NXN: variants seen among roughly 807,000 people sequenced by gnomAD.
NXN encodes nucleoredoxin.
A neutral mutation model predicts 48.6 loss-of-function variants in NXN; 16 were observed. The ratio of observed to expected loss-of-function variants is 0.33; its 90% CI spans 0.22 to 0.50. NXN has a LOEUF of 0.50. Ranked by LOEUF, NXN falls within the 20% of genes least tolerant of loss-of-function variation. The pLI is 0.98. For missense variants in NXN, 492 were observed against 605.5 expected (o/e 0.81, Z 1.97); for synonymous variants, 281 against 269.6 (o/e 1.04, Z -0.41).
chr17:976,589 T>G (rs2069461311), intron 1 of NXN, among the ~76,000 whole-genome samples: 1 of 152,192 alleles, frequency 6.6e-6, no homozygotes, highest in African/African-American at 2.4e-5. Context: ...CCACAAGACG[T>G]GTTCACCCAT....
chr17:811,232 C>G (rs937806800), intron 5 of NXN, among the ~76,000 whole-genome samples: 1 of 152,220 alleles, frequency 6.6e-6, no homozygotes, highest in African/African-American at 2.4e-5. Context: ...TAGCTGCTTC[C>G]GCATCTGCTC....
At chr17:880,970 C>T (rs2068277595) in intron 1 of NXN, among the ~76,000 whole-genome samples, 1 of 152,176 alleles carries the variant, frequency 6.6e-6, no homozygotes. Flanking sequence ...CTGCAAACGT[C>T]TCCTTCCCTC....
At chr17:829,116 G>C (rs969220429) in intron 1 of NXN, among the ~76,000 whole-genome samples, 1 of 147,588 alleles carries the variant, frequency 6.8e-6, no homozygotes, top group South Asian at 2.2e-4. Flanking sequence ...GGGAAAAAAT[G>C]ACAAGTCATT....
intron 1 of NXN, among the ~76,000 whole-genome samples, chr17:975,751 A>C (rs1597293279): frequency 6.6e-6 from 1 of 152,198 alleles, no homozygotes; most frequent in African/African-American, 2.4e-5. Context: ...CTTTAACACC[A>C]AAAGAGTGCT....
intron 1 of NXN, among the ~76,000 whole-genome samples, chr17:926,553 GT>G (rs568417902): frequency 6.1e-5 from 8 of 130,796 alleles, no homozygotes; most frequent in South Asian, 2.4e-4. Context: ...TTGTTTTTTT[GT>G]TTTTTTTTTG....
intron 1 of NXN, among the ~76,000 whole-genome samples, chr17:831,603 A>C (rs1259363527): frequency 6.6e-6 from 1 of 151,886 alleles, no homozygotes; most frequent in African/African-American, 2.4e-5. Context: ...AGGTTCAAGC[A>C]ATTCTCATGC....
intron 5 of NXN, among the ~76,000 whole-genome samples, chr17:815,036 G>T (rs969593599): frequency 6.6e-6 from 1 of 152,110 alleles, no homozygotes; most frequent in South Asian, 2.1e-4. Context: ...AAAGTCCAGG[G>T]ATTACAGGCG....
intron 5 of NXN, among the ~76,000 whole-genome samples, chr17:807,176 C>T (rs921673608): frequency 3.9e-5 from 6 of 152,234 alleles, no homozygotes. Context: ...GAATCCGGGC[C>T]AGGGACCACC....
chr17:938,507 C>T (rs2068934300), intron 1 of NXN, among the ~76,000 whole-genome samples: 1 of 151,638 alleles, frequency 6.6e-6, no homozygotes, highest in African/African-American at 2.4e-5. Context: ...TGGCGAAACC[C>T]CCGTCTCTAC....
In NXN at chr17:979,440, G is replaced by A. The variant is rs772684733; in HGVS notation, c.239C>T (p.Pro80Leu). ...PGAGAGAAAE[P>L]EPRRRLEIVF... ...GATCTCCAGGCGCCGCCGCGGCTCG[G>A]GCTCCGCCGCCGCCCCGGCCCCCGC... The change falls in exon 1 of 8, where the codon CCC becomes CTC. Residue 80 changes from proline (P) to leucine (L), a missense_variant. Coordinates refer to ENST00000336868, the MANE Select transcript of NXN (RefSeq NM_022463.5). 2 of 1,284,094 alleles carry A rather than the reference G, an allele frequency of 1.6e-6. No individual in the cohort carries two copies. Among genetic ancestry groups the A allele is most frequent in the African/African-American group, 3.1e-5 (2 of 64,956 alleles). The allele number at this position is 1,284,094 out of a possible 1,614,324, so 79.5% of individuals were successfully genotyped here. A position where few individuals can be genotyped will look rare whatever the true frequency, so the allele number is the denominator to read the frequency against.
At chr17:821,922 A>G (rs1294338652) in intron 4 of NXN, among the ~76,000 whole-genome samples, 4 of 151,958 alleles carry the variant, frequency 2.6e-5, no homozygotes, top group Non-Finnish European at 2.9e-5. Context: ...CCAGGCCTGA[A>G]TTGGGACATC....
chr17:815,765 C>T (rs1567814804), intron 5 of NXN, among the ~76,000 whole-genome samples: 1 of 152,230 alleles, frequency 6.6e-6, no homozygotes, highest in African/African-American at 2.4e-5. Flanking sequence ...AAACGTTCTT[C>T]TTGGCCTGAA....
At chr17:965,307 G>A (rs2069288848) in intron 1 of NXN, among the ~76,000 whole-genome samples, 1 of 152,160 alleles carries the variant, frequency 6.6e-6, no homozygotes, top group African/African-American at 2.4e-5. Flanking sequence ...TTCTCCAGAT[G>A]GCAGAGAGCT....
At chr17:961,964 G>A (rs7219328) in intron 1 of NXN, among the ~76,000 whole-genome samples, 15,155 of 152,066 alleles carry the variant, frequency 0.1, 2,348 homozygotes, top group African/African-American at 0.33. Flanking sequence ...GTGAAACCTC[G>A]TTTCTACCAA....
chr17:961,409 A>ATAGC (rs2069236051), intron 1 of NXN, among the ~76,000 whole-genome samples: 1 of 152,090 alleles, frequency 6.6e-6, no homozygotes, highest in African/African-American at 2.4e-5. Flanking sequence ...AGAAAAAGAA[A>ATAGC]TAGCTGTTCA....
intron 1 of NXN, among the ~76,000 whole-genome samples, chr17:937,504 G>A (rs2068920251): frequency 6.6e-6 from 1 of 152,152 alleles, no homozygotes; most frequent in Admixed American, 6.5e-5. Context: ...GGGACAAAAG[G>A]AGGGAAAAGC....
At chr17:885,672 C>CTTTTTTTTTTTT (rs532225883) in intron 1 of NXN, among the ~76,000 whole-genome samples, 20 of 83,752 alleles carry the variant, frequency 2.4e-4, no homozygotes, top group Non-Finnish European at 3.8e-4. Context: ...GCGGTACTCG[C>CTTTTTTTTTTTT]TTTTTTTTTT....
intron 1 of NXN, among the ~76,000 whole-genome samples, chr17:863,000 A>C (rs2068056286): frequency 6.6e-6 from 1 of 152,150 alleles, no homozygotes; most frequent in South Asian, 2.1e-4. Flanking sequence ...TATCATGATA[A>C]ATATAATCTA....
At chr17:886,592 T>A (rs993374895) in intron 1 of NXN, among the ~76,000 whole-genome samples, 1 of 152,006 alleles carries the variant, frequency 6.6e-6, no homozygotes, top group South Asian at 2.1e-4. Flanking sequence ...GCCTGGCCAA[T>A]GTGGTGAAAC....
Sources: allele counts gnomAD v4.1 joint callset (sites outside exome capture counted in the v4.1 genomes callset), GRCh38; gene constraint gnomAD v4.1.1; transcripts MANE v1.5; gene names NCBI Gene and HGNC (gene_info 2026-07-23, HGNC 2026-07-21).